TIAL1: variants seen among roughly 807,000 people sequenced by gnomAD.
TIAL1 encodes the protein nucleolysin TIAR.
A neutral mutation model predicts 59.7 loss-of-function variants in TIAL1; 7 were observed. The observed-to-expected ratio is 0.12, with a 90% confidence interval of 0.07 to 0.22. The LOEUF is 0.22. Ranked by LOEUF, TIAL1 falls within the 10% of genes least tolerant of loss-of-function variation. The pLI is 1.00. For synonymous variants in TIAL1, 149 were observed against 146.3 expected (o/e 1.02, Z -0.13); for missense variants, 225 against 462.5 (o/e 0.49, Z 4.71).
In TIAL1 at chr10:119,573,586, A is replaced by C. The variant is rs533449566; in HGVS notation, c.*2079T>G. On this transcript the variant is annotated 3_prime_UTR_variant, in exon 12 of 12. Transcript: ENST00000436547. ...AATAAGCTACTTAATTTACTGGCAG[A>C]CCAAAACAGGCATACTAAGCATTTT... 1 of 152,710 alleles carries C rather than the reference A, an allele frequency of 6.5e-6. No individual in the cohort carries two copies. The highest frequency in any genetic ancestry group is 1.5e-5 in the Non-Finnish European group (1 of 68,012). 9.5% of individuals were successfully genotyped at this position (152,710 alleles called of 1,614,324 possible).
intron 1 of TIAL1, among the ~76,000 whole-genome samples, chr10:119,592,745 T>C (rs1310811526): frequency 2.0e-5 from 3 of 147,352 alleles, no homozygotes; most frequent in Admixed American, 7.0e-5. Flanking sequence ...ATTGACCAAC[T>C]ATATATATGA....
intron 1 of TIAL1, chr10:119,592,062 T>C (rs1845910091): frequency 6.6e-6 from 1 of 152,202 alleles, no homozygotes; most frequent in Admixed American, 6.5e-5. Flanking sequence ...TTCTTTCTGC[T>C]CTGGTTATGA....
rs1845350960 is a variant in TIAL1 at position 119,582,491 on chromosome 10, C to G, written c.196G>C (p.Ala66Pro). The part of the protein sequence containing the change: ...YEHRDAAAAL[A>P]AMNGRKILGK... ...AAAATTTTTCTCCCATTCATAGCAG[C>G]TAATGCAGCAGCTGCATCTCTGTGT... The change falls in exon 3 of 12, where the codon GCT (alanine) becomes CCT (proline). Residue 66 changes from alanine to proline, a missense_variant. This residue lies in a region of TIAL1 where 38 missense variants were observed against 173.0 expected (regional missense o/e 0.22). Transcript: ENST00000436547. This position sits in a 1 kb window ranked among gnomAD's most constrained non-coding sequence, Gnocchi z 5.1. 6.2e-7 allele frequency: 1 copy of G among 1,608,664 alleles called. No homozygotes were observed. The highest frequency in any genetic ancestry group is 1.3e-5 in the African/African-American group (1 of 74,660).
chr10:119,577,852 G>A, intron 7 of TIAL1, 116 bp from the exon 8 acceptor site: 1 of 801,384 alleles, frequency 1.2e-6, no homozygotes, highest in Non-Finnish European at 2.0e-6. Flanking sequence ...CACTTTGGGA[G>A]GCTGAGGTGG....
chr10:119,583,250 T>C (rs1466495751), intron 2 of TIAL1, among the ~76,000 whole-genome samples: 1 of 152,130 alleles, frequency 6.6e-6, no homozygotes, highest in Non-Finnish European at 1.5e-5. Context: ...ACAGTGGTGA[T>C]CAAGAAAAGA....
chr10:119,575,834 A>C (rs1052874247), intron 11 of TIAL1, 43 bp from the exon 12 acceptor site: 1 of 1,516,970 alleles, frequency 6.6e-7, no homozygotes, highest in Non-Finnish European at 8.8e-7. Flanking sequence ...ACAAGAAAAA[A>C]AAAATCACAT....
chr10:119,594,677 T>A (rs1846063542), intron 1 of TIAL1, among the ~76,000 whole-genome samples: 1 of 152,152 alleles, frequency 6.6e-6, no homozygotes, highest in Admixed American at 6.5e-5. Flanking sequence ...CAGTCTGGAG[T>A]GCAGTGGTGC....
chr10:119,580,727 T>C, intron 5 of TIAL1: 1 of 1,013,048 alleles, frequency 9.9e-7, no homozygotes, highest in Non-Finnish European at 1.2e-6. Context: ...AAAATATGTA[T>C]ATATAAATAA....
intron 1 of TIAL1, among the ~76,000 whole-genome samples, chr10:119,595,548 T>A (rs1846126178): frequency 6.6e-6 from 1 of 151,782 alleles, no homozygotes; most frequent in Admixed American, 6.6e-5. Context: ...AATTAAGTGG[T>A]TGGAAGATGG....
At position 119,578,678 on chromosome 10, in the gene TIAL1, G is replaced by GA. The variant is rs758104170; in HGVS notation, c.556+47dup. On this transcript the variant is annotated intron_variant, in intron 7 of 11. Transcript: ENST00000436547. ...GAGACTAGATGAATACATGATACAT[G>GA]ATTTTGTGAAGAATATAATTTTAAC... 5 of 1,440,696 alleles carry GA rather than the reference G, an allele frequency of 3.5e-6. No homozygotes were observed. The South Asian group carries it at 5.7e-5, about 17-fold the overall frequency. 89.2% of individuals were successfully genotyped at this position (1,440,696 alleles called of 1,614,324 possible).
At chr10:119,581,848 T>A in intron 5 of TIAL1, 74 bp downstream of exon 5, 1 of 1,121,874 alleles carries the variant, frequency 8.9e-7, no homozygotes, top group Non-Finnish European at 1.3e-6. Context: ...AAAGAAAATC[T>A]TAATTCAATT....
Position 119,578,646 on chromosome 10 carries a change from A to G in TIAL1, c.556+80T>C, listed in dbSNP as rs1845149076. ...ACCCTGTCTCTTACATAAATAAATTAGAAATTGAGACTAGATGAATACATG... is the reference window on the plus strand; with the variant it reads ...ACCCTGTCTCTTACATAAATAAATTGGAAATTGAGACTAGATGAATACATG... On this transcript the variant is annotated intron_variant, in intron 7 of 11. Transcript: ENST00000436547. 3 of 1,239,120 alleles carry G rather than the reference A, an allele frequency of 2.4e-6. 1 individual carries two copies. The East Asian group carries it at 7.0e-5, about 29-fold the overall frequency. 76.8% of individuals were successfully genotyped at this position (1,239,120 alleles called of 1,614,324 possible). A position where few individuals can be genotyped will look rare whatever the true frequency, so the allele number is the denominator to read the frequency against.
intron 1 of TIAL1, among the ~76,000 whole-genome samples, chr10:119,590,356 G>T (rs1281089842): frequency 6.6e-6 from 1 of 152,202 alleles, no homozygotes; most frequent in Non-Finnish European, 1.5e-5. Context: ...ACTCATAGGG[G>T]TTTGTGAGCC....
intron 1 of TIAL1, among the ~76,000 whole-genome samples, chr10:119,595,696 G>A (rs1284616409): frequency 1.3e-5 from 2 of 152,150 alleles, no homozygotes; most frequent in Admixed American, 6.5e-5. Context: ...AAACAGATTA[G>A]GAAGAGGCAA....
At position 119,596,758 on chromosome 10, in the gene TIAL1, C is replaced by T; in HGVS notation, c.-293G>A. 2.0e-6 allele frequency: 1 copy of T among 508,978 alleles called. No individual in the cohort carries two copies. Among genetic ancestry groups the T allele is most frequent in the East Asian group, 3.6e-5 (1 of 27,618 alleles). 31.5% of individuals were successfully genotyped at this position (508,978 alleles called of 1,614,324 possible). A position where few individuals can be genotyped will look rare whatever the true frequency, so the allele number is the denominator to read the frequency against. ...CACCGCTCAGGCCAGCCGCGACAGCCTGCAAGGGGGACGACCGAGGGGAGA... is the reference window on the plus strand; with the variant it reads ...CACCGCTCAGGCCAGCCGCGACAGCTTGCAAGGGGGACGACCGAGGGGAGA... On this transcript the variant is annotated 5_prime_UTR_variant, in exon 1 of 12. Coordinates refer to ENST00000436547, the MANE Select transcript of TIAL1 (RefSeq NM_003252.4).
intron 2 of TIAL1, among the ~76,000 whole-genome samples, chr10:119,584,916 C>G (rs1845480814): frequency 6.6e-6 from 1 of 151,750 alleles, no homozygotes; most frequent in African/African-American, 2.4e-5. Flanking sequence ...ACCATCCTGG[C>G]TAATATGGTG....
intron 2 of TIAL1, among the ~76,000 whole-genome samples, chr10:119,584,868 A>C (rs1439882082): frequency 6.6e-6 from 1 of 151,914 alleles, no homozygotes; most frequent in Non-Finnish European, 1.5e-5. Context: ...GCACTTTGGG[A>C]GGGCGAGGTG....
chr10:119,585,472 C>T (rs1704685754), intron 2 of TIAL1, among the ~76,000 whole-genome samples: 1 of 151,162 alleles, frequency 6.6e-6, no homozygotes, highest in East Asian at 1.9e-4. Flanking sequence ...AAAAAAAATC[C>T]GTTATGTCCC....
In TIAL1 at chr10:119,596,421, C is replaced by T; in HGVS notation, c.32+13G>A. ...CCTCTTGGCGCCTGGCACCCCTCGTCTCGGGTACTCACAGAGTCCGGGGCT... is the reference window on the plus strand; with the variant it reads ...CCTCTTGGCGCCTGGCACCCCTCGTTTCGGGTACTCACAGAGTCCGGGGCT... On this transcript the variant is annotated intron_variant, in intron 1 of 11. Coordinates refer to ENST00000436547, the MANE Select transcript of TIAL1 (RefSeq NM_003252.4). 5 of 1,608,580 alleles carry T rather than the reference C, an allele frequency of 3.1e-6. No individual in the cohort carries two copies. The highest frequency in any genetic ancestry group is 4.2e-6 in the Non-Finnish European group (5 of 1,177,666).
Sources: allele counts gnomAD v4.1 joint callset (sites outside exome capture counted in the v4.1 genomes callset), GRCh38; gene constraint gnomAD v4.1.1; regional missense constraint gnomAD v4.1.1; non-coding constraint Gnocchi (gnomAD v3.1); transcripts MANE v1.5; gene names NCBI Gene and HGNC (gene_info 2026-07-23, HGNC 2026-07-21).